Variants in NPLOC4 observed in about 807,000 individuals in gnomAD.
NPLOC4 encodes nuclear protein localization protein 4 homolog.
In NPLOC4, 18 loss-of-function variants were observed where a neutral mutation model predicts 80.6. That is an observed-to-expected ratio of 0.22 (90% confidence interval 0.15 to 0.33). The LOEUF is 0.33. Among genes scored for constraint, NPLOC4 ranks in the 10% least tolerant of loss-of-function variants. NPLOC4 has a pLI of 1.00. For missense variants in NPLOC4, 540 were observed against 786.1 expected (o/e 0.69, Z 3.74); for synonymous variants, 313 against 301.5 (o/e 1.04, Z -0.39).
At chr17:81,563,655 G>T (rs959378657) in intron 16 of NPLOC4, 1 of 267,462 alleles carries the variant, frequency 3.7e-6, no homozygotes, top group Admixed American at 5.2e-5. Context: ...GTGGCTCCCA[G>T]GTATAATCTC....
rs149293034 is a variant in NPLOC4, at chr17:81,619,713, T to C, written c.209+2453A>G. On this transcript the variant is annotated intron_variant, in intron 3 of 16. Coordinates refer to ENST00000331134, the MANE Select transcript of NPLOC4 (RefSeq NM_017921.4). Reference sequence around the variant, plus strand: ...GGCCAACACGGTGAAACCCTGTCTCTACTAAAAATACAAAAATTACCTGGG... The same window carrying C: ...GGCCAACACGGTGAAACCCTGTCTCCACTAAAAATACAAAAATTACCTGGG... Among the ~76,000 whole-genome samples the C allele has an allele frequency of 3.1e-3, 475 of 151,334 alleles. 3 individuals are homozygous for C. Among genetic ancestry groups the C allele is most frequent in the African/African-American group, 0.011 (448 of 41,236 alleles).
At chr17:81,571,344 T>C (rs1286928572) in intron 13 of NPLOC4, among the ~76,000 whole-genome samples, 2 of 152,308 alleles carry the variant, frequency 1.3e-5, no homozygotes, top group East Asian at 3.9e-4. Flanking sequence ...CTGCCATCCT[T>C]GCTGCCCTGT....
At chr17:81,603,011 AC>A (rs2035107361) in intron 8 of NPLOC4, among the ~76,000 whole-genome samples, 2 of 144,612 alleles carry the variant, frequency 1.4e-5, no homozygotes, top group Non-Finnish European at 3.1e-5. Flanking sequence ...ACACACACAC[AC>A]ACATATAAAA....
intron 12 of NPLOC4, among the ~76,000 whole-genome samples, chr17:81,576,349 G>A (rs2034300695): frequency 6.6e-6 from 1 of 152,208 alleles, no homozygotes; most frequent in Non-Finnish European, 1.5e-5. Flanking sequence ...CCACCTATAG[G>A]CAGACTTTTT....
chr17:81,566,072 G>A (rs1458706999), intron 15 of NPLOC4, among the ~76,000 whole-genome samples: 2 of 152,198 alleles, frequency 1.3e-5, no homozygotes, highest in African/African-American at 2.4e-5. Flanking sequence ...AGTGGCTCAC[G>A]CCTGTAATCC....
intron 12 of NPLOC4, among the ~76,000 whole-genome samples, chr17:81,573,239 A>G (rs763774682): frequency 1.3e-5 from 2 of 152,222 alleles, no homozygotes; most frequent in African/African-American, 2.4e-5. Context: ...AGGGCCTTAC[A>G]TAAAAGTTTA....
Position 81,636,955 on chromosome 17 carries a change from C to T in NPLOC4, c.-25G>A. On this transcript the variant is annotated 5_prime_UTR_variant, in exon 1 of 17. Transcript: ENST00000331134. Reference sequence around the variant, plus strand: ...TGGCGGCTGCTCCTGCCTCCGGGCTCGAGCCCCGGGCCGCCGCCGCCTGCC... The same window carrying T: ...TGGCGGCTGCTCCTGCCTCCGGGCTTGAGCCCCGGGCCGCCGCCGCCTGCC... The T allele has an allele frequency of 1.5e-6, 2 of 1,303,682 alleles. No homozygotes were observed. Among genetic ancestry groups the T allele is most frequent in the Non-Finnish European group, 2.0e-6 (2 of 1,023,140 alleles). 80.8% of individuals were successfully genotyped at this position (1,303,682 alleles called of 1,614,324 possible).
At chr17:81,636,834 G>T in intron 1 of NPLOC4, 82 bp downstream of exon 1, 1 of 1,296,344 alleles carries the variant, frequency 7.7e-7, no homozygotes, top group Non-Finnish European at 9.8e-7. Context: ...GCGCCGGCAG[G>T]CCCGCCTCCC....
At chr17:81,593,798 C>T (rs898111882) in intron 11 of NPLOC4, among the ~76,000 whole-genome samples, 5 of 151,980 alleles carry the variant, frequency 3.3e-5, no homozygotes, top group African/African-American at 9.7e-5. Flanking sequence ...CTCCTGGGTG[C>T]CCAGTGCCCA....
In NPLOC4 at chr17:81,558,306, G is replaced by C. The variant is rs1409162915; in HGVS notation, c.*953C>G. ...AAGCAGCGTATTGGGGAGGGCCAGA[G>C]CATCGGCACCGGTGACCCAGCTCTC... is the stretch of plus-strand genomic sequence containing the variant. On this transcript the variant is annotated 3_prime_UTR_variant, in exon 17 of 17. Transcript: ENST00000331134. The C allele has an allele frequency of 1.3e-5, 2 of 152,332 alleles. No homozygotes were observed. The highest frequency in any genetic ancestry group is 2.9e-5 in the Non-Finnish European group (2 of 68,116). 9.4% of individuals were successfully genotyped at this position (152,332 alleles called of 1,614,324 possible).
chr17:81,599,149 C>T (rs915353886), intron 9 of NPLOC4, among the ~76,000 whole-genome samples: 2 of 151,946 alleles, frequency 1.3e-5, no homozygotes, highest in Admixed American at 6.6e-5. Flanking sequence ...ATTAACTGGG[C>T]GTTGTGGCGG....
In NPLOC4 at chr17:81,569,125, A is replaced by T; in HGVS notation, c.1354-14T>A. 6.4e-7 allele frequency: 1 copy of T among 1,559,994 alleles called. No homozygotes were observed. The highest frequency in any genetic ancestry group is 8.8e-7 in the Non-Finnish European group (1 of 1,130,910). ...AGTTGTTGTGATCTAATGAAGAAAA[A>T]CACAAACCCATGATAAATGAGGCTG... is the stretch of plus-strand genomic sequence containing the variant. On this transcript the variant is annotated splice_polypyrimidine_tract_variant and intron_variant, in intron 13 of 16. Transcript: ENST00000331134.
chr17:81,630,510 G>T (rs1322387393), intron 1 of NPLOC4, among the ~76,000 whole-genome samples: 4 of 152,008 alleles, frequency 2.6e-5, no homozygotes, highest in African/African-American at 9.7e-5. Context: ...CGAGCTCCGG[G>T]GCTCAAGTGA....
Position 81,572,095 on chromosome 17 carries a change from T to C in NPLOC4, c.1282-7A>G, listed in dbSNP as rs1332235554. ...TGCCAAACTTGTCTACGTCCTGCAA[T>C]AGTCAGAGGGGAACAGCGGTGAGCA... is the stretch of plus-strand genomic sequence containing the variant. On this transcript the variant is annotated splice_polypyrimidine_tract_variant and splice_region_variant and intron_variant, in intron 12 of 16. Coordinates refer to ENST00000331134, the MANE Select transcript of NPLOC4 (RefSeq NM_017921.4). This position sits in a 1 kb window ranked among gnomAD's most constrained non-coding sequence, Gnocchi z 4.5. The C allele has an allele frequency of 2.5e-6, 4 of 1,604,056 alleles. No homozygotes were observed. In the African/African-American group the frequency reaches 5.4e-5, roughly 22 times the overall value.
chr17:81,591,739 C>T (rs1027586584), intron 11 of NPLOC4, among the ~76,000 whole-genome samples: 2 of 152,218 alleles, frequency 1.3e-5, no homozygotes, highest in African/African-American at 4.8e-5. Context: ...GACAAGTTAA[C>T]TATCATTCCC....
chr17:81,594,070 G>A (rs1276850597), intron 11 of NPLOC4, among the ~76,000 whole-genome samples: 3 of 151,844 alleles, frequency 2.0e-5, no homozygotes, highest in Admixed American at 6.6e-5. Flanking sequence ...TCAGGAGATC[G>A]AGACCATCCT....
chr17:81,633,872 A>ATTT (rs35394558), intron 1 of NPLOC4, among the ~76,000 whole-genome samples: 2 of 143,572 alleles, frequency 1.4e-5, no homozygotes, highest in African/African-American at 5.2e-5. Context: ...CGCCCAGCTA[A>ATTT]TTTTTTTTTT....
Position 81,596,062 on chromosome 17 carries a change from C to T in NPLOC4, c.1120+54G>A. The T allele has an allele frequency of 3.9e-6, 6 of 1,556,202 alleles. No homozygotes were observed. The South Asian group carries it at 5.8e-5, about 15-fold the overall frequency. The stretch of plus-strand genomic sequence containing the variant: ...GATAAAAAGCTACCAAAAAGAGGAA[C>T]AAAATATATTAACGAGGTGGTAATA... On this transcript the variant is annotated intron_variant, in intron 11 of 16. Coordinates refer to ENST00000331134, the MANE Select transcript of NPLOC4 (RefSeq NM_017921.4).
intron 2 of NPLOC4, among the ~76,000 whole-genome samples, chr17:81,623,878 A>G (rs1381805051): frequency 6.6e-6 from 1 of 152,164 alleles, no homozygotes. Flanking sequence ...TCCACTGTGC[A>G]GGGCACTTTG....
Sources: gnomAD v4.1 joint callset for allele counts (sites outside exome capture counted in the v4.1 genomes callset) on GRCh38, gnomAD v4.1.1 for gene constraint, Gnocchi (gnomAD v3.1) non-coding constraint, MANE v1.5 for transcripts, NCBI Gene and HGNC (gene_info 2026-07-23, HGNC 2026-07-21) for gene names.